The following SLC6A11 variants were observed in gnomAD, a reference collection of about 807,000 sequenced individuals.
SLC6A11 encodes the protein solute carrier family 6 member 11.
Under a neutral mutation model 74.8 loss-of-function variants are expected in SLC6A11, and 25 were observed. The observed-to-expected ratio is 0.33, with a 90% confidence interval of 0.24 to 0.47. The LOEUF is 0.47. Among genes scored for constraint, SLC6A11 ranks in the 20% least tolerant of loss-of-function variants. SLC6A11 has a pLI of 1.00. For synonymous variants in SLC6A11, 330 were observed against 330.2 expected (o/e 1.00, Z 0.01); for missense variants, 574 against 837.0 (o/e 0.69, Z 3.88).
chr3:10,881,759 G>A (rs2106609524), intron 6 of SLC6A11, among the ~76,000 whole-genome samples: 1 of 152,270 alleles, frequency 6.6e-6, no homozygotes, highest in South Asian at 2.1e-4. Flanking sequence ...TCCCACCCCA[G>A]AGGATACTCT....
Position 10,819,701 on chromosome 3 carries a change from T to G in SLC6A11, c.392-11T>G. 1 of 1,613,200 alleles carries G rather than the reference T, an allele frequency of 6.2e-7. No individual in the cohort carries two copies. Among genetic ancestry groups the G allele is most frequent in the Non-Finnish European group, 8.5e-7 (1 of 1,179,622 alleles). ...TAGACTCAAATTCCTTCCTTTCTTT[T>G]GTCCTTTCAGGCATTGGCTATGCAA... On this transcript the variant is annotated splice_polypyrimidine_tract_variant and intron_variant, in intron 2 of 13. Transcript: ENST00000254488.
intron 6 of SLC6A11, among the ~76,000 whole-genome samples, chr3:10,883,882 A>G (rs1695011933): frequency 1.3e-5 from 2 of 152,044 alleles, no homozygotes; most frequent in African/African-American, 4.8e-5. Context: ...GAGACTGAAA[A>G]TCCCCCAAGG....
intron 6 of SLC6A11, among the ~76,000 whole-genome samples, chr3:10,910,554 C>T (rs1175020711): frequency 1.3e-5 from 2 of 152,098 alleles, no homozygotes; most frequent in Non-Finnish European, 2.9e-5. Context: ...TGGTGGTAAG[C>T]AAGCAGAGAC....
At chr3:10,891,371 T>TA (rs1248253821) in intron 6 of SLC6A11, among the ~76,000 whole-genome samples, 1 of 152,260 alleles carries the variant, frequency 6.6e-6, no homozygotes, top group Non-Finnish European at 1.5e-5. Flanking sequence ...TTGAACATGA[T>TA]ATATTGAATA....
At chr3:10,837,057 C>A (rs1694376257) in intron 4 of SLC6A11, among the ~76,000 whole-genome samples, 2 of 152,142 alleles carry the variant, frequency 1.3e-5, no homozygotes, top group Non-Finnish European at 2.9e-5. Context: ...GAGGTGCTCA[C>A]TTGCTTAGCC....
In SLC6A11 at chr3:10,819,607, T is replaced by C. The variant is rs746832693; in HGVS notation, c.391+8T>C. ...TTTGCCCTTTATTTGAAGGTATGTG[T>C]TGAGTTAATGAGAAAATAAAATTTT... On this transcript the variant is annotated splice_region_variant and intron_variant, in intron 2 of 13. Coordinates refer to ENST00000254488, the MANE Select transcript of SLC6A11 (RefSeq NM_014229.3). 1.2e-6 allele frequency: 2 copies of C among 1,612,628 alleles called. No homozygotes were observed. Among genetic ancestry groups the C allele is most frequent in the Admixed American group, 1.7e-5 (1 of 59,604 alleles).
chr3:10,929,945 C>A (rs1405649798), intron 10 of SLC6A11, among the ~76,000 whole-genome samples: 1 of 152,142 alleles, frequency 6.6e-6, no homozygotes, highest in African/African-American at 2.4e-5. Flanking sequence ...CAAATAAATA[C>A]CTTCTTATGT....
intron 7 of SLC6A11, among the ~76,000 whole-genome samples, chr3:10,913,962 G>A (rs945874157): frequency 5.9e-5 from 9 of 152,162 alleles, no homozygotes; most frequent in Non-Finnish European, 1.0e-4. Context: ...CAAAGTGCTG[G>A]GATTACAGGC....
At position 10,938,580 on chromosome 3, in the gene SLC6A11, C is replaced by T. The variant is rs763116887; in HGVS notation, c.*178C>T. The T allele has an allele frequency of 1.1e-5, 6 of 523,010 alleles. No homozygotes were observed. In the East Asian group the frequency reaches 1.8e-4, roughly 15 times the overall value. The allele number at this position is 523,010 out of a possible 1,614,324, so 32.4% of individuals were successfully genotyped here. On this transcript the variant is annotated 3_prime_UTR_variant, in exon 14 of 14. Coordinates refer to ENST00000254488, the MANE Select transcript of SLC6A11 (RefSeq NM_014229.3). Reference sequence around the variant, plus strand: ...CTCTAAAGTCATATCCCCTCCCCGCCCCCAGTCATCATGGAAGTAACCACT... The same window carrying T: ...CTCTAAAGTCATATCCCCTCCCCGCTCCCAGTCATCATGGAAGTAACCACT...
chr3:10,871,078 A>G (rs1165046766), intron 5 of SLC6A11, among the ~76,000 whole-genome samples: 3 of 152,220 alleles, frequency 2.0e-5, no homozygotes, highest in South Asian at 4.1e-4. Flanking sequence ...AATTGCTTCA[A>G]AATTATCATC....
intron 5 of SLC6A11, among the ~76,000 whole-genome samples, chr3:10,861,267 A>G (rs1190021723): frequency 2.6e-5 from 4 of 152,208 alleles, no homozygotes; most frequent in Non-Finnish European, 4.4e-5. Flanking sequence ...TGTAATCTCA[A>G]CATTTTGGGA....
At chr3:10,887,239 G>A (rs186541069) in intron 6 of SLC6A11, among the ~76,000 whole-genome samples, 129 of 151,856 alleles carry the variant, frequency 8.5e-4, no homozygotes, top group Middle Eastern at 3.4e-3. Flanking sequence ...ATAGATAGAT[G>A]CATGGATGGA....
chr3:10,887,210 A>G (rs1458362337), intron 6 of SLC6A11, among the ~76,000 whole-genome samples: 1 of 151,934 alleles, frequency 6.6e-6, no homozygotes, highest in Non-Finnish European at 1.5e-5. Flanking sequence ...TGATAAATGG[A>G]TAATGAATGG....
At chr3:10,900,005 T>C (rs768232707) in intron 6 of SLC6A11, among the ~76,000 whole-genome samples, 1 of 152,228 alleles carries the variant, frequency 6.6e-6, no homozygotes, top group Non-Finnish European at 1.5e-5. Context: ...TCTTTCCCCA[T>C]AGCTACACTG....
intron 5 of SLC6A11, among the ~76,000 whole-genome samples, chr3:10,862,039 C>T (rs1460134484): frequency 3.9e-5 from 6 of 152,194 alleles, no homozygotes; most frequent in Non-Finnish European, 8.8e-5. Flanking sequence ...GATCCCTCCT[C>T]TCCACAACTC....
intron 5 of SLC6A11, among the ~76,000 whole-genome samples, chr3:10,860,667 C>T (rs1043467253): frequency 3.9e-5 from 6 of 152,192 alleles, no homozygotes; most frequent in African/African-American, 4.8e-5. Context: ...GCTTCCATGG[C>T]GTGCTGGAAC....
rs1695268783 is a variant in SLC6A11 at position 10,903,703 on chromosome 3, C to A, written c.892-8387C>A. Among the ~76,000 whole-genome samples the A allele has an allele frequency of 5.3e-5, 8 of 152,264 alleles. No homozygotes were observed. In the South Asian group the frequency reaches 1.7e-3, roughly 32 times the overall value. On this transcript the variant is annotated intron_variant, in intron 6 of 13. Coordinates refer to ENST00000254488, the MANE Select transcript of SLC6A11 (RefSeq NM_014229.3). ...GAGGGAATGAACGTTGACTAAGCACCTGCTGCTCATGAGGGCTTCTGGCTG... is the reference window on the plus strand; with the variant it reads ...GAGGGAATGAACGTTGACTAAGCACATGCTGCTCATGAGGGCTTCTGGCTG...
At chr3:10,864,348 G>A (rs1448362857) in intron 5 of SLC6A11, among the ~76,000 whole-genome samples, 1 of 151,492 alleles carries the variant, frequency 6.6e-6, no homozygotes, top group Non-Finnish European at 1.5e-5. Context: ...AGGGTTGGGA[G>A]GGGCGTTTTC....
chr3:10,865,568 C>A (rs1334867643), intron 5 of SLC6A11, among the ~76,000 whole-genome samples: 2 of 150,790 alleles, frequency 1.3e-5, no homozygotes, highest in African/African-American at 4.8e-5. Context: ...GAGGCTGAGG[C>A]AGGAGAATCG....
Sources: allele counts gnomAD v4.1 joint callset (sites outside exome capture counted in the v4.1 genomes callset), GRCh38; gene constraint gnomAD v4.1.1; transcripts MANE v1.5; gene names NCBI Gene and HGNC (gene_info 2026-07-23, HGNC 2026-07-21).